PTPRO: variants seen among roughly 807,000 people sequenced by gnomAD.
PTPRO encodes receptor-type tyrosine-protein phosphatase O.
PTPRO carries 62 observed loss-of-function variants against 145.2 expected under a neutral mutation model. That is an observed-to-expected ratio of 0.43 (90% CI 0.35 to 0.53). PTPRO has a LOEUF of 0.53. Among genes scored for constraint, PTPRO ranks in the 20% least tolerant of loss-of-function variants. PTPRO has a pLI of 0.01. For missense variants in PTPRO, 1,345 were observed against 1,482.7 expected (o/e 0.91, Z 1.53); for synonymous variants, 565 against 514.7 (o/e 1.10, Z -1.32).
intron 5 of PTPRO, 152 bp downstream of exon 5, chr12:15,502,215 A>AT (rs1426361794): frequency 1.2e-6 from 1 of 800,326 alleles, no homozygotes; most frequent in East Asian, 2.7e-5. Context: ...TGAGTATCCA[A>AT]TGCAGACTGA....
At chr12:15,371,256 C>T (rs1490896029) in intron 1 of PTPRO, among the ~76,000 whole-genome samples, 7 of 148,398 alleles carry the variant, frequency 4.7e-5, no homozygotes, top group African/African-American at 1.5e-4. Flanking sequence ...TTTTTTAGAC[C>T]GAGTCTCGCT....
chr12:15,557,777 C>T (rs1943674022), intron 16 of PTPRO, among the ~76,000 whole-genome samples: 1 of 152,134 alleles, frequency 6.6e-6, no homozygotes, highest in Non-Finnish European at 1.5e-5. Flanking sequence ...CAGTGGTGCA[C>T]ACGCAGGAGC....
chr12:15,500,248 C>G (rs1942193148), intron 4 of PTPRO, among the ~76,000 whole-genome samples: 1 of 152,086 alleles, frequency 6.6e-6, no homozygotes, highest in African/African-American at 2.4e-5. Flanking sequence ...TGATGAGCAT[C>G]AGGAAGGGAT....
intron 15 of PTPRO, among the ~76,000 whole-genome samples, chr12:15,553,929 T>C (rs1233267993): frequency 4.6e-5 from 7 of 151,944 alleles, no homozygotes; most frequent in Non-Finnish European, 1.5e-5. Context: ...AAAAAAGGAG[T>C]TGAGGCTATA....
intron 1 of PTPRO, chr12:15,439,735 G>A (rs1019514702): frequency 1.8e-6 from 1 of 545,042 alleles, no homozygotes; most frequent in Non-Finnish European, 3.5e-6. Context: ...TCCTAGTCAA[G>A]GACATGAAGA....
chr12:15,501,039 T>C (rs1012605354), intron 4 of PTPRO, among the ~76,000 whole-genome samples: 3 of 152,242 alleles, frequency 2.0e-5, no homozygotes, highest in African/African-American at 4.8e-5. Context: ...ATTTTCTCCC[T>C]GTAAGTAAAG....
intron 1 of PTPRO, among the ~76,000 whole-genome samples, chr12:15,362,642 C>T (rs976961508): frequency 6.6e-6 from 1 of 151,722 alleles, no homozygotes; most frequent in Non-Finnish European, 1.5e-5. Flanking sequence ...TTATTGAGTT[C>T]ATTAGAAAGT....
intron 13 of PTPRO, among the ~76,000 whole-genome samples, 200 bp downstream of exon 13, chr12:15,546,908 T>G (rs1448249022): frequency 6.6e-6 from 1 of 152,226 alleles, no homozygotes; most frequent in Non-Finnish European, 1.5e-5. Flanking sequence ...TTTGTCTGTA[T>G]CACTTGTTCC....
chr12:15,582,931 C>T (rs1381861388), intron 23 of PTPRO, among the ~76,000 whole-genome samples: 1 of 152,192 alleles, frequency 6.6e-6, no homozygotes, highest in African/African-American at 2.4e-5. Flanking sequence ...TAGGTGTTAA[C>T]ATCAATTGAA....
intron 1 of PTPRO, chr12:15,410,422 T>C (rs1412669734): frequency 6.6e-6 from 1 of 152,186 alleles, no homozygotes. Flanking sequence ...GAATGCTGGG[T>C]TCACCTGCTC....
chr12:15,442,125 A>G (rs1412268076), intron 1 of PTPRO, among the ~76,000 whole-genome samples: 1 of 152,210 alleles, frequency 6.6e-6, no homozygotes. Flanking sequence ...TACTGAATTC[A>G]GAAACACATC....
At position 15,417,633 on chromosome 12, in the gene PTPRO, C is replaced by T. The variant is rs916800760; in HGVS notation, c.76-66341C>T. Among the ~76,000 whole-genome samples, 7 of 151,574 alleles carry T rather than the reference C, an allele frequency of 4.6e-5. 1 individual carries two copies. The East Asian group carries it at 7.7e-4, about 17-fold the overall frequency. ...CAAGGTCCCCAAGAAAATCAGTACA[C>T]GCATTATGTTTAAGAAGCTACTCTA... On this transcript the variant is annotated intron_variant, in intron 1 of 26. Transcript: ENST00000281171.
In PTPRO at chr12:15,430,947, A is replaced by G. The variant is rs189447876; in HGVS notation, c.76-53027A>G. On this transcript the variant is annotated intron_variant, in intron 1 of 26. Coordinates refer to ENST00000281171, the MANE Select transcript of PTPRO (RefSeq NM_030667.3). ...TAAAGAAGACTTGACTTTGTTAAAG[A>G]CAGAATTTTTATAGAATATATGGAA... 1.2e-4 allele frequency among the ~76,000 whole-genome samples: 18 copies of G among 152,360 alleles called. No individual in the cohort carries two copies. The East Asian group carries it at 3.5e-3, about 29-fold the overall frequency.
At chr12:15,523,191 G>A (rs185125014) in intron 10 of PTPRO, among the ~76,000 whole-genome samples, 76 of 152,298 alleles carry the variant, frequency 5.0e-4, no homozygotes, top group African/African-American at 1.6e-3. Flanking sequence ...TGAAAGCATA[G>A]CTAGTTATGA....
In PTPRO at chr12:15,351,652, C is replaced by T. The variant is rs147460366; in HGVS notation, c.75+28851C>T. ...AAAGTAAAGAAGGTAGAGGAGAAAA[C>T]ATTTTTATAATATTTAAATCCCTGG... On this transcript the variant is annotated intron_variant, in intron 1 of 26. Coordinates refer to ENST00000281171, the MANE Select transcript of PTPRO (RefSeq NM_030667.3). Among the ~76,000 whole-genome samples the T allele has an allele frequency of 1.8e-4, 27 of 152,248 alleles. 1 individual carries two copies. In the East Asian group the frequency reaches 4.4e-3, roughly 25 times the overall value.
At chr12:15,484,693 G>A (rs149183539) in intron 2 of PTPRO, among the ~76,000 whole-genome samples, 2,599 of 152,088 alleles carry the variant, frequency 0.017, 93 homozygotes, top group Admixed American at 0.078. Context: ...GAGAGAAAAA[G>A]ATATATTTAT....
At chr12:15,520,820 C>A (rs1478534692) in intron 10 of PTPRO, among the ~76,000 whole-genome samples, 1 of 151,924 alleles carries the variant, frequency 6.6e-6, no homozygotes, top group African/African-American at 2.4e-5. Flanking sequence ...ACCTTGAGCA[C>A]GTTAACTTTT....
intron 1 of PTPRO, among the ~76,000 whole-genome samples, chr12:15,474,685 T>G (rs1941616904): frequency 6.6e-6 from 1 of 152,236 alleles, no homozygotes; most frequent in East Asian, 1.9e-4. Flanking sequence ...TTTACATATT[T>G]TTTTACATTA....
chr12:15,391,963 A>G (rs1293234735), intron 1 of PTPRO, among the ~76,000 whole-genome samples: 1 of 152,208 alleles, frequency 6.6e-6, no homozygotes, highest in African/African-American at 2.4e-5. Flanking sequence ...ATCACATCCA[A>G]GAGAACAGCA....
Sources: allele counts gnomAD v4.1 joint callset (sites outside exome capture counted in the v4.1 genomes callset), GRCh38; gene constraint gnomAD v4.1.1; transcripts MANE v1.5; gene names NCBI Gene and HGNC (gene_info 2026-07-23, HGNC 2026-07-21).